Variants in NAV3 observed in about 807,000 individuals in gnomAD.
NAV3 encodes pore membrane and/or filament interacting like protein 1.
Under a neutral mutation model 244.7 loss-of-function variants are expected in NAV3, and 87 were observed. That is an observed-to-expected ratio of 0.36 (90% CI 0.30 to 0.42). NAV3 has a LOEUF of 0.42. Ranked by LOEUF, NAV3 falls within the 20% of genes least tolerant of loss-of-function variation. The pLI is 1.00. For synonymous variants in NAV3, 1,126 were observed against 1,042.2 expected (o/e 1.08, Z -1.55); for missense variants, 2,663 against 2,893.3 (o/e 0.92, Z 1.83).
At chr12:77,928,222 C>CA (rs759919821) in intron 1 of NAV3, among the ~76,000 whole-genome samples, 3,046 of 80,266 alleles carry the variant, frequency 0.038, 157 homozygotes, top group African/African-American at 0.07. Flanking sequence ...GGCTCCGCCT[C>CA]AAAAAAAAAA....
At chr12:78,148,808 T>C (rs377752482) in intron 21 of NAV3, 34 bp from the exon 22 acceptor site, 20 of 1,568,468 alleles carry the variant, frequency 1.3e-5, no homozygotes, top group Non-Finnish European at 1.7e-5. Context: ...AAAATCTACT[T>C]GCCTATTCCA....
intron 2 of NAV3, among the ~76,000 whole-genome samples, chr12:77,763,067 C>T (rs535579299): frequency 6.6e-6 from 1 of 152,244 alleles, no homozygotes; most frequent in Non-Finnish European, 1.5e-5. Flanking sequence ...ATATCTTGAA[C>T]TTTTTTGTGC....
chr12:77,930,978 T>C (rs1048188039), intron 1 of NAV3, among the ~76,000 whole-genome samples: 1 of 152,122 alleles, frequency 6.6e-6, no homozygotes, highest in African/African-American at 2.4e-5. Context: ...TGCCCCACCC[T>C]CCTGAAGCTT....
intron 1 of NAV3, among the ~76,000 whole-genome samples, chr12:77,835,185 C>T (rs1874415125): frequency 6.6e-6 from 1 of 152,090 alleles, no homozygotes; most frequent in African/African-American, 2.4e-5. Context: ...AAAAGATACA[C>T]CCTGTTTTAT....
chr12:77,762,953 C>T (rs1869560317), intron 2 of NAV3, among the ~76,000 whole-genome samples: 1 of 152,208 alleles, frequency 6.6e-6, no homozygotes, highest in Non-Finnish European at 1.5e-5. Flanking sequence ...GGATAACTTA[C>T]ACAGAGTATG....
chr12:78,007,281 C>G lies in NAV3; in HGVS notation c.1743C>G (p.Ala581=), dbSNP rs758893961. 1.2e-6 allele frequency: 2 copies of G among 1,614,040 alleles called. No homozygotes were observed. The highest frequency in any genetic ancestry group is 2.7e-5 in the African/African-American group (2 of 74,922). ...MEKASASSCP[A]PLEGREAGQA... ...AAGCAAGTGCTTCTAGTTGTCCTGC[C>G]CCTTTGGAAGGAAGGGAAGCTGGCC... Residue 581 remains alanine (A), a synonymous_variant, in exon 8 of 40, where the codon GCC becomes GCG. Transcript: ENST00000397909.
At chr12:77,813,740 A>G (rs769870449) in intron 2 of NAV3, among the ~76,000 whole-genome samples, 2 of 152,210 alleles carry the variant, frequency 1.3e-5, no homozygotes, top group Non-Finnish European at 2.9e-5. Context: ...GAAACCACAC[A>G]GTCGGCATTA....
intron 1 of NAV3, among the ~76,000 whole-genome samples, chr12:77,845,245 A>G (rs1403331978): frequency 2.6e-5 from 4 of 152,158 alleles, no homozygotes; most frequent in Non-Finnish European, 5.9e-5. Flanking sequence ...TTGAAGAAAA[A>G]CAATCTTAGT....
intron 2 of NAV3, among the ~76,000 whole-genome samples, chr12:77,624,344 G>A (rs955987606): frequency 1.3e-5 from 2 of 152,078 alleles, no homozygotes; most frequent in Non-Finnish European, 2.9e-5. Context: ...AAATAAAGGT[G>A]GAGAGGTAGC....
At chr12:78,003,916 C>T (rs1873758026) in intron 7 of NAV3, among the ~76,000 whole-genome samples, 1 of 152,192 alleles carries the variant, frequency 6.6e-6, no homozygotes, top group South Asian at 2.1e-4. Context: ...GTGTGATGTT[C>T]TCCCCATTTA....
intron 2 of NAV3, among the ~76,000 whole-genome samples, chr12:77,657,251 GC>G (rs1273441963): frequency 2.0e-5 from 3 of 151,992 alleles, no homozygotes; most frequent in African/African-American, 7.2e-5. Flanking sequence ...TCAACTAGAC[GC>G]AATAAAAAAT....
chr12:77,671,956 G>C (rs1399326228), intron 2 of NAV3, among the ~76,000 whole-genome samples: 2 of 152,158 alleles, frequency 1.3e-5, no homozygotes, highest in Non-Finnish European at 2.9e-5. Flanking sequence ...ACAATCAGTA[G>C]AGTTAACAGA....
chr12:77,823,938 A>G (rs7296425), intron 2 of NAV3, among the ~76,000 whole-genome samples: 67,394 of 152,070 alleles, frequency 0.44, 15,325 homozygotes, highest in African/African-American at 0.55. Flanking sequence ...CCCAAATGGA[A>G]CTCCTAGAGA....
In NAV3 at chr12:78,117,158, C is replaced by CTTATATATATATATAT. The variant is rs1555292748; in HGVS notation, c.2769+254_2769+255insTTATATATATATATAT. Among the ~76,000 whole-genome samples the CTTATATATATATATAT allele has an allele frequency of 1.1e-3, 79 of 70,330 alleles. 12 individuals are homozygous for CTTATATATATATATAT. The highest frequency in any genetic ancestry group is 2.3e-3 in the Admixed American group (11 of 4,790). The allele number at this position is 70,330 out of a possible 152,430, so 46.1% of individuals were successfully genotyped here. A position where few individuals can be genotyped will look rare whatever the true frequency, so the allele number is the denominator to read the frequency against. The stretch of plus-strand genomic sequence containing the variant: ...GCCAATTTTGAATAAACAGAAGCAG[C>CTTATATATATATATAT]ATATATATATATATATATATATATA... On this transcript the variant is annotated intron_variant, in intron 13 of 39. Coordinates refer to ENST00000397909, the MANE Select transcript of NAV3 (RefSeq NM_001024383.2).
chr12:78,059,003 A>C lies in NAV3; in HGVS notation c.2524A>C (p.Thr842Pro). 6.2e-7 allele frequency: 1 copy of C among 1,601,052 alleles called. No homozygotes were observed. The highest frequency in any genetic ancestry group is 8.5e-7 in the Non-Finnish European group (1 of 1,175,008). The change falls in exon 12 of 40, where the codon ACA (threonine) becomes CCA (proline). Residue 842 changes from threonine (T) to proline (P), a missense_variant. Physicochemically the swap from Thr to Pro is conservative, Grantham distance 38. Around this residue, in one of 6 missense-constraint regions of NAV3, gnomAD observed 1,521 missense variants for 1,497.0 expected, o/e 1.02. Transcript: ENST00000397909. ...RTDDINSGYM[T>P]DGGLNLYTRS... ...TTAGACATTTCTTTTCAGGTACATG[A>C]CAGATGGAGGACTTAACCTATATAC...
chr12:77,902,994 G>A (rs760569176), intron 1 of NAV3, among the ~76,000 whole-genome samples: 11 of 152,054 alleles, frequency 7.2e-5, no homozygotes, highest in Non-Finnish European at 1.3e-4. Context: ...AAATAAAAGA[G>A]GATACAAACA....
intron 1 of NAV3, among the ~76,000 whole-genome samples, chr12:77,875,156 A>G (rs1025780231): frequency 2.0e-5 from 3 of 152,096 alleles, no homozygotes; most frequent in African/African-American, 7.2e-5. Context: ...AATATTTTTG[A>G]GAAAGTCCTT....
chr12:77,686,750 A>T (rs1265164004), intron 2 of NAV3, among the ~76,000 whole-genome samples: 1 of 152,134 alleles, frequency 6.6e-6, no homozygotes, highest in African/African-American at 2.4e-5. Context: ...ACCTAGGTTC[A>T]TCTGACTTTA....
At chr12:77,742,004 A>T (rs1442874794) in intron 2 of NAV3, among the ~76,000 whole-genome samples, 2 of 152,084 alleles carry the variant, frequency 1.3e-5, no homozygotes, top group Non-Finnish European at 2.9e-5. Context: ...CAGCTTCACA[A>T]AGTTTTCTTT....
Sources: allele counts gnomAD v4.1 joint callset (sites outside exome capture counted in the v4.1 genomes callset), GRCh38; gene constraint gnomAD v4.1.1; regional missense constraint gnomAD v4.1.1; transcripts MANE v1.5; gene names NCBI Gene and HGNC (gene_info 2026-07-23, HGNC 2026-07-21).